The following PNMA8A variants were observed in gnomAD, a reference collection of about 807,000 sequenced individuals.
PNMA8A encodes PNMA family member 8A.
A neutral mutation model predicts 26.6 loss-of-function variants in PNMA8A; 17 were observed. The ratio of observed to expected loss-of-function variants is 0.64; its 90% CI spans 0.44 to 0.96. The LOEUF (loss-of-function observed/expected upper bound fraction) is 0.96, where lower values mean the gene tolerates loss of function less well. PNMA8A is among the 40% of genes least tolerant of loss of function. PNMA8A has a pLI of 0.00. For missense variants in PNMA8A, 532 were observed against 488.4 expected, an observed-to-expected ratio of 1.09 and a Z score of -0.84; for synonymous variants, 224 against 182.0, an observed-to-expected ratio of 1.23 and a Z score of -1.86.
chr19:46,470,242 G>A lies in PNMA8A; in HGVS notation c.794C>T (p.Ser265Phe), dbSNP rs758220864. 1 of 1,613,986 alleles carries A rather than the reference G, an allele frequency of 6.2e-7. No homozygotes were observed. The highest frequency in any genetic ancestry group is 1.3e-5 in the African/African-American group (1 of 74,950). ...ATCCTCCAAGTTAGCTGTGCTGTTG[G>A]AATTGATGCCTTTGGGTTTTTTCCA... ...VPWKKPKGINSNSTANLEDPE... is the reference protein window; with the variant it reads ...VPWKKPKGINFNSTANLEDPE... The change falls in exon 2 of 3, where the codon TCC (serine) becomes TTC (phenylalanine). Residue 265 changes from serine (S) to phenylalanine (F), a missense_variant. Coordinates refer to ENST00000313683, the MANE Select transcript of PNMA8A (RefSeq NM_018215.4).
In PNMA8A at chr19:46,468,559, G is replaced by A; in HGVS notation, c.*2C>T. On this transcript the variant is annotated 3_prime_UTR_variant, in exon 3 of 3. Transcript: ENST00000313683. ...ACTCCTCAGTATGGGTGGTCCCCCAGATCAAACCTTTCTGGATTCTGCAAA... is the reference window on the plus strand; with the variant it reads ...ACTCCTCAGTATGGGTGGTCCCCCAAATCAAACCTTTCTGGATTCTGCAAA... 3 of 1,612,892 alleles carry A rather than the reference G, an allele frequency of 1.9e-6. No homozygotes were observed. Among genetic ancestry groups the A allele is most frequent in the Non-Finnish European group, 2.5e-6 (3 of 1,178,880 alleles).
In PNMA8A at chr19:46,470,642, G is replaced by A. The variant is rs1237085604; in HGVS notation, c.394C>T (p.His132Tyr). The change falls in exon 2 of 3, where the codon CAC becomes TAC. Residue 132 changes from histidine to tyrosine, a missense_variant. Coordinates refer to ENST00000313683, the MANE Select transcript of PNMA8A (RefSeq NM_018215.4). ...TGCTGGTTCTGGGACAGGGTGGGGT[G>A]GTTGAGCTGGAGCAGGCGGACCACA... ...EDVVRLLQLN[H>Y]PTLSQNQHQP... 1.9e-6 allele frequency: 3 copies of A among 1,560,956 alleles called. No homozygotes were observed. Among genetic ancestry groups the A allele is most frequent in the Non-Finnish European group, 2.7e-6 (3 of 1,131,450 alleles).
In PNMA8A at chr19:46,470,572, C is replaced by T; in HGVS notation, c.464G>A (p.Gly155Glu). The T allele has an allele frequency of 6.2e-7, 1 of 1,614,092 alleles. No individual in the cohort carries two copies. Among genetic ancestry groups the T allele is most frequent in the African/African-American group, 1.3e-5 (1 of 75,068 alleles). ...GCAGAAGATGATCTGCACCACTGCT[C>T]CCAGAAGCACCCCCAGAGCTTCTGC... Reference protein sequence around the residue: ...NWAEALGVLLGAVVQIIFCMD... With the variant: ...NWAEALGVLLEAVVQIIFCMD... The change falls in exon 2 of 3, where the codon GGA becomes GAA. Residue 155 changes from glycine (G) to glutamate (E), a missense_variant. By Grantham distance (98) the Gly-to-Glu change is moderately conservative. Coordinates refer to ENST00000313683, the MANE Select transcript of PNMA8A (RefSeq NM_018215.4).
chr19:46,471,466 C>G lies in PNMA8A; in HGVS notation c.-209G>C, dbSNP rs557642641. On this transcript the variant is annotated 5_prime_UTR_variant, in exon 1 of 3. Coordinates refer to ENST00000313683, the MANE Select transcript of PNMA8A (RefSeq NM_018215.4). The stretch of plus-strand genomic sequence containing the variant: ...CAGAAAGGGCCAAGAAGGCGCCGTC[C>G]GCCCCCGCTCCGGCCCAGGCGGGTC... The G allele has an allele frequency of 2.6e-5, 4 of 156,666 alleles. No homozygotes were observed. In the South Asian group the frequency reaches 8.0e-4, roughly 31 times the overall value. The allele number at this position is 156,666 out of a possible 1,614,324, so 9.7% of individuals were successfully genotyped here. A position where few individuals can be genotyped will look rare whatever the true frequency, so the allele number is the denominator to read the frequency against.
At chr19:46,468,728 A>G (rs1460250467) in intron 2 of PNMA8A, 151 bp from the exon 3 acceptor site, 7 of 638,910 alleles carry the variant, frequency 1.1e-5, no homozygotes, top group Non-Finnish European at 2.0e-5. Context: ...CATACCCTGC[A>G]AACACCATAA....
chr19:46,471,296 TC>T, intron 1 of PNMA8A, 40 bp downstream of exon 1: 1 of 313,254 alleles, frequency 3.2e-6, no homozygotes, highest in Non-Finnish European at 5.9e-6. Flanking sequence ...CCTAGGACCC[TC>T]CCCCGGGCCT....
rs1490307099 is a variant in PNMA8A at position 46,469,968 on chromosome 19, C to G, written c.1068G>C (p.Lys356Asn). 6.8e-6 allele frequency: 11 copies of G among 1,612,904 alleles called. No individual in the cohort carries two copies. Among genetic ancestry groups the G allele is most frequent in the Non-Finnish European group, 9.3e-6 (11 of 1,179,572 alleles). The change falls in exon 2 of 3, where the codon AAG (lysine) becomes AAC (asparagine). Residue 356 changes from lysine to asparagine, a missense_variant. Physicochemically the swap from Lys to Asn is moderately conservative, Grantham distance 94. Coordinates refer to ENST00000313683, the MANE Select transcript of PNMA8A (RefSeq NM_018215.4). ...TCTTCTTCCTCATGGGAGCGGGGTT[C>G]TTGGCAGACACCCAGGCCACGGCCT... ...KKKAVAWVSAKNPAPMRKKKK... is the reference protein window; with the variant it reads ...KKKAVAWVSANNPAPMRKKKK...
In PNMA8A at chr19:46,470,785, CG is replaced by C. The variant is rs762553744; in HGVS notation, c.250del (p.Arg84ValfsTer24). The C allele has an allele frequency of 3.8e-6, 3 of 784,210 alleles. No individual in the cohort carries two copies. The highest frequency in any genetic ancestry group is 2.7e-5 in the South Asian group (2 of 74,702). 48.6% of individuals were successfully genotyped at this position (784,210 alleles called of 1,614,324 possible). ...GACACCACCCCTTCCTGGGAATTCA[CG>C]GGGGATGGTGCTCAGATTCACACCT... ...GEGVNLSTIPREFPGRGGVWR... is the reference protein window; with the variant it reads ...GEGVNLSTIPXEFPGRGGVWR... On this transcript the variant is annotated frameshift_variant, in exon 2 of 3. Coordinates refer to ENST00000313683, the MANE Select transcript of PNMA8A (RefSeq NM_018215.4). LOFTEE classifies it high-confidence loss of function.
intron 1 of PNMA8A, 76 bp from the exon 2 acceptor site, chr19:46,471,190 C>T (rs1335208822): frequency 1.8e-6 from 1 of 564,970 alleles, no homozygotes; most frequent in East Asian, 2.9e-5. Flanking sequence ...GCCCCCTCCG[C>T]GGCTGGCCTG....
rs1333605349 is a variant in PNMA8A at position 46,466,506 on chromosome 19, AT to A, written c.*2054del. 6.6e-6 allele frequency: 1 copy of A among 152,140 alleles called. No homozygotes were observed. Among genetic ancestry groups the A allele is most frequent in the African/African-American group, 2.4e-5 (1 of 41,436 alleles). The allele number at this position is 152,140 out of a possible 1,614,324, so 9.4% of individuals were successfully genotyped here. A position where few individuals can be genotyped will look rare whatever the true frequency, so the allele number is the denominator to read the frequency against. On this transcript the variant is annotated 3_prime_UTR_variant, in exon 3 of 3. Coordinates refer to ENST00000313683, the MANE Select transcript of PNMA8A (RefSeq NM_018215.4). ...TACAAGAGACTTAACAGGACACTTAATTTGCTAAACTTTATTTTATACATAC... is the reference window on the plus strand; with the variant it reads ...TACAAGAGACTTAACAGGACACTTAATTGCTAAACTTTATTTTATACATAC...
In PNMA8A at chr19:46,471,395, G is replaced by C. The variant is rs3826855; in HGVS notation, c.-138C>G. On this transcript the variant is annotated 5_prime_UTR_variant, in exon 1 of 3. Transcript: ENST00000313683. ...CAAGGAGACGCAGTGGAATGCAGCC[G>C]TTTCCCAGTCGCTGGCTCCGGCTAC... The C allele has an allele frequency of 0.24, 42,463 of 178,820 alleles. 5,374 individuals carry two copies. Among genetic ancestry groups the C allele is most frequent in the African/African-American group, 0.28 (11,995 of 42,526 alleles). 11.1% of individuals were successfully genotyped at this position (178,820 alleles called of 1,614,324 possible). A position where few individuals can be genotyped will look rare whatever the true frequency, so the allele number is the denominator to read the frequency against.
rs1298241618 is a variant in PNMA8A at position 46,469,793 on chromosome 19, C to G, written c.1243G>C (p.Ala415Pro). ...GCCTTCGGACCCCTAGAGGTTGAGG[C>G]TGTTGCCTCGGCAGGCTGCTGGCCC... The part of the protein sequence containing the change: ...PRGQQPAEAT[A>P]STSRGPKAKP... Residue 415 changes from alanine (A) to proline (P), a missense_variant, in exon 2 of 3, where the codon GCC (alanine) becomes CCC (proline). Physicochemically the swap from Ala to Pro is conservative, Grantham distance 27. Coordinates refer to ENST00000313683, the MANE Select transcript of PNMA8A (RefSeq NM_018215.4). The G allele has an allele frequency of 6.2e-7, 1 of 1,614,182 alleles. No individual in the cohort carries two copies. Among genetic ancestry groups the G allele is most frequent in the African/African-American group, 1.3e-5 (1 of 75,070 alleles).
At position 46,468,706 on chromosome 19, in the gene PNMA8A, C is replaced by T; in HGVS notation, c.1304-129G>A. ...CCAGCCAGGTCTCTAGAAAACTTCA[C>T]CCTTAAAGCCACATACCCTGCAAAC... On this transcript the variant is annotated intron_variant, in intron 2 of 2. Transcript: ENST00000313683. 3 of 719,000 alleles carry T rather than the reference C, an allele frequency of 4.2e-6. No individual in the cohort carries two copies. The South Asian group carries it at 5.0e-5, about 12-fold the overall frequency. 44.5% of individuals were successfully genotyped at this position (719,000 alleles called of 1,614,324 possible). A position where few individuals can be genotyped will look rare whatever the true frequency, so the allele number is the denominator to read the frequency against.
chr19:46,469,512 A>G (rs538949602), intron 2 of PNMA8A, among the ~76,000 whole-genome samples: 2 of 152,122 alleles, frequency 1.3e-5, no homozygotes, highest in African/African-American at 4.8e-5. Context: ...TGCCCACCAG[A>G]TGTCTCCAGC....
Position 46,470,641 on chromosome 19 carries a change from T to C in PNMA8A, c.395A>G (p.His132Arg). 1 of 1,560,868 alleles carries C rather than the reference T, an allele frequency of 6.4e-7. No individual in the cohort carries two copies. The highest frequency in any genetic ancestry group is 1.1e-5 in the South Asian group (1 of 89,960). The change falls in exon 2 of 3, where the codon CAC becomes CGC. Residue 132 changes from histidine to arginine, a missense_variant. Coordinates refer to ENST00000313683, the MANE Select transcript of PNMA8A (RefSeq NM_018215.4). ...EDVVRLLQLNHPTLSQNQHQP... is the reference protein window; with the variant it reads ...EDVVRLLQLNRPTLSQNQHQP... ...ATGCTGGTTCTGGGACAGGGTGGGG[T>C]GGTTGAGCTGGAGCAGGCGGACCAC...
rs1568606337 is a variant in PNMA8A, at chr19:46,468,489, CAA to C, written c.*70_*71del. 6.9e-7 allele frequency: 1 copy of C among 1,441,946 alleles called. No homozygotes were observed. Among genetic ancestry groups the C allele is most frequent in the East Asian group, 2.3e-5 (1 of 44,006 alleles). 89.3% of individuals were successfully genotyped at this position (1,441,946 alleles called of 1,614,324 possible). ...GAGAGTCCAAAGTCTTATTCAGTGACAAGAGAGAACTTGGTTGACTTGGTACT... is the reference window on the plus strand; with the variant it reads ...GAGAGTCCAAAGTCTTATTCAGTGACGAGAGAACTTGGTTGACTTGGTACT... On this transcript the variant is annotated 3_prime_UTR_variant, in exon 3 of 3. Coordinates refer to ENST00000313683, the MANE Select transcript of PNMA8A (RefSeq NM_018215.4).
Position 46,470,338 on chromosome 19 carries a change from C to A in PNMA8A, c.698G>T (p.Arg233Leu), listed in dbSNP as rs747863547. 3 of 1,613,918 alleles carry A rather than the reference C, an allele frequency of 1.9e-6. No homozygotes were observed. The highest frequency in any genetic ancestry group is 2.2e-5 in the East Asian group (1 of 44,872). Residue 233 changes from arginine to leucine, a missense_variant, in exon 2 of 3, where the codon CGC becomes CTC. Physicochemically the swap from Arg to Leu is moderately radical, Grantham distance 102. Coordinates refer to ENST00000313683, the MANE Select transcript of PNMA8A (RefSeq NM_018215.4). Reference protein sequence around the residue: ...DQHEPTKPLVRRAGAKSRSRR... With the variant: ...DQHEPTKPLVLRAGAKSRSRR... ...GGAGCGAGACTTAGCTCCAGCCCTGCGAACCAAAGGTTTGGTAGGCTCATG... is the reference window on the plus strand; with the variant it reads ...GGAGCGAGACTTAGCTCCAGCCCTGAGAACCAAAGGTTTGGTAGGCTCATG...
rs1178993375 is a variant in PNMA8A, at chr19:46,466,951, T to C, written c.*1610A>G. On this transcript the variant is annotated 3_prime_UTR_variant, in exon 3 of 3. Transcript: ENST00000313683. The stretch of plus-strand genomic sequence containing the variant: ...ATGTTAATACATTTACTTACTACCA[T>C]ACACCTGAACAGTCACGGCAGAACA... The C allele has an allele frequency of 6.6e-6, 1 of 152,186 alleles. No homozygotes were observed. Among genetic ancestry groups the C allele is most frequent in the Non-Finnish European group, 1.5e-5 (1 of 68,036 alleles). 9.4% of individuals were successfully genotyped at this position (152,186 alleles called of 1,614,324 possible). A position where few individuals can be genotyped will look rare whatever the true frequency, so the allele number is the denominator to read the frequency against.
rs549422983 is a variant in PNMA8A at position 46,468,786 on chromosome 19, C to T, written c.1304-209G>A. On this transcript the variant is annotated intron_variant, in intron 2 of 2. Coordinates refer to ENST00000313683, the MANE Select transcript of PNMA8A (RefSeq NM_018215.4). ...TTGGGGGGAGGGGGGAACAGGGTTT[C>T]ACTCTATCGCCCAGGCTGGAGTGCA... Among the ~76,000 whole-genome samples the T allele has an allele frequency of 1.8e-3, 274 of 152,262 alleles. 1 individual carries two copies. Among genetic ancestry groups the T allele is most frequent in the African/African-American group, 6.4e-3 (266 of 41,562 alleles).
Sources: gnomAD v4.1 joint callset for allele counts (sites outside exome capture counted in the v4.1 genomes callset) on GRCh38, gnomAD v4.1.1 for gene constraint, MANE v1.5 for transcripts, NCBI Gene and HGNC (gene_info 2026-07-23, HGNC 2026-07-21) for gene names.